Variants in PTPRD observed in about 807,000 individuals in gnomAD.
PTPRD encodes protein tyrosine phosphatase receptor type D, also known as receptor-type tyrosine-protein phosphatase delta.
A neutral mutation model predicts 214.5 loss-of-function variants in PTPRD; 34 were observed. That is an observed-to-expected ratio of 0.16 (90% confidence interval 0.12 to 0.21). PTPRD has a LOEUF of 0.21. Among genes scored for constraint, PTPRD ranks in the 10% least tolerant of loss-of-function variants. The pLI, the probability that PTPRD is intolerant of heterozygous loss-of-function variation, is 1.00. For synonymous variants in PTPRD, 1,128 were observed against 845.7 expected (o/e 1.33, Z -5.79); for missense variants, 2,545 against 2,398.7 (o/e 1.06, Z -1.27).
In PTPRD at chr9:9,773,331, G is replaced by C. The variant is rs944608139; in HGVS notation, c.-367-6480C>G. Among the ~76,000 whole-genome samples, 6 of 152,142 alleles carry C rather than the reference G, an allele frequency of 3.9e-5. No individual in the cohort carries two copies. The South Asian group carries it at 1.0e-3, about 26-fold the overall frequency. ...TTCTCCATCCTCTTAGGAAGCCCAG[G>C]GAGAAGAATGTTTCTTCCCACAGTT... On this transcript the variant is annotated intron_variant, in intron 5 of 45. Transcript: ENST00000381196.
intron 9 of PTPRD, among the ~76,000 whole-genome samples, chr9:9,295,664 T>C (rs1488577489): frequency 6.6e-6 from 1 of 151,836 alleles, no homozygotes; most frequent in Non-Finnish European, 1.5e-5. Context: ...TATTTTATTG[T>C]ATAACCAGAT....
chr9:9,658,560 T>A (rs2096564748), intron 7 of PTPRD, among the ~76,000 whole-genome samples: 1 of 152,158 alleles, frequency 6.6e-6, no homozygotes, highest in African/African-American at 2.4e-5. Context: ...CCTCGATCTC[T>A]CCAAGAAGAT....
intron 11 of PTPRD, among the ~76,000 whole-genome samples, chr9:9,010,322 C>G (rs2099504485): frequency 6.6e-6 from 1 of 152,132 alleles, no homozygotes; most frequent in Non-Finnish European, 1.5e-5. Flanking sequence ...ACAACATTAT[C>G]CATAAGACTT....
At chr9:9,725,109 C>G (rs1345642540) in intron 7 of PTPRD, among the ~76,000 whole-genome samples, 1 of 152,120 alleles carries the variant, frequency 6.6e-6, no homozygotes, top group East Asian at 1.9e-4. Flanking sequence ...AACACATCCT[C>G]TTTTGCTTCA....
At chr9:9,888,561 G>T (rs1022120183) in intron 5 of PTPRD, among the ~76,000 whole-genome samples, 1 of 152,062 alleles carries the variant, frequency 6.6e-6, no homozygotes, top group African/African-American at 2.4e-5. Context: ...GCTCCTGGGA[G>T]AGCCAATTGT....
In PTPRD at chr9:10,099,491, A is replaced by G. The variant is rs148930331; in HGVS notation, c.-544-65701T>C. ...AAATTCCCAGCATATAGTAAATACA[A>G]TTTAAGTGGTTGATATTATTATTTT... On this transcript the variant is annotated intron_variant, in intron 3 of 45. Coordinates refer to ENST00000381196, the MANE Select transcript of PTPRD (RefSeq NM_002839.4). Among the ~76,000 whole-genome samples the G allele has an allele frequency of 2.6e-4, 39 of 151,934 alleles. No individual in the cohort carries two copies. The East Asian group carries it at 5.4e-3, about 21-fold the overall frequency.
At chr9:9,735,522 C>T (rs1251549803) in intron 6 of PTPRD, among the ~76,000 whole-genome samples, 1 of 152,074 alleles carries the variant, frequency 6.6e-6, no homozygotes, top group East Asian at 1.9e-4. Flanking sequence ...CTGCATCTTA[C>T]TGTCAGAAAA....
intron 3 of PTPRD, among the ~76,000 whole-genome samples, chr9:10,153,583 T>A (rs1267789820): frequency 6.6e-6 from 1 of 151,958 alleles, no homozygotes; most frequent in Non-Finnish European, 1.5e-5. Context: ...TGTGCAGGTT[T>A]GTTATATAGG....
chr9:10,079,902 C>T (rs543866409), intron 3 of PTPRD, among the ~76,000 whole-genome samples: 64 of 150,942 alleles, frequency 4.2e-4, no homozygotes, highest in Middle Eastern at 3.5e-3. Flanking sequence ...ATGAATAAAA[C>T]TTCAGAGTAT....
At chr9:8,320,644 T>C (rs145862675) in intron 44 of PTPRD, among the ~76,000 whole-genome samples, 126 of 132,700 alleles carry the variant, frequency 9.5e-4, no homozygotes, top group African/African-American at 3.5e-3. Context: ...CTCACAGGGG[T>C]CTCTAATCTT....
intron 3 of PTPRD, among the ~76,000 whole-genome samples, chr9:10,340,090 A>G (rs1249539567): frequency 6.6e-6 from 1 of 151,786 alleles, no homozygotes; most frequent in East Asian, 1.9e-4. Flanking sequence ...AAAAAATGCT[A>G]ATTACTTGTT....
intron 34 of PTPRD, 51 bp from the exon 35 acceptor site, chr9:8,436,740 G>T: frequency 7.1e-7 from 1 of 1,401,092 alleles, no homozygotes; most frequent in Non-Finnish European, 1.0e-6. Flanking sequence ...TGAAAATGAT[G>T]CTAACTATTC....
chr9:10,070,323 G>A (rs1344897825), intron 3 of PTPRD, among the ~76,000 whole-genome samples: 1 of 151,972 alleles, frequency 6.6e-6, no homozygotes, highest in East Asian at 1.9e-4. Context: ...AAATGACAAA[G>A]TCAAAGATAG....
rs138852727 is a variant in PTPRD, at chr9:9,378,254, G to A, written c.-203+19195C>T. On this transcript the variant is annotated intron_variant, in intron 9 of 45. Transcript: ENST00000381196. Reference sequence around the variant, plus strand: ...TATCTCCATAATTTTGGCTTTTCCAGAAAATCATATAGTTGATAATACAGT... The same window carrying A: ...TATCTCCATAATTTTGGCTTTTCCAAAAAATCATATAGTTGATAATACAGT... Among the ~76,000 whole-genome samples the A allele has an allele frequency of 2.4e-4, 37 of 152,154 alleles. No homozygotes were observed. The East Asian group carries it at 7.0e-3, about 29-fold the overall frequency.
At chr9:9,356,289 G>A (rs1311652216) in intron 9 of PTPRD, among the ~76,000 whole-genome samples, 1 of 151,300 alleles carries the variant, frequency 6.6e-6, no homozygotes, top group South Asian at 2.1e-4. Context: ...TAGTAGAAAG[G>A]AAAAATTGAT....
At chr9:9,347,109 G>A (rs527466564) in intron 9 of PTPRD, among the ~76,000 whole-genome samples, 2 of 152,202 alleles carry the variant, frequency 1.3e-5, no homozygotes, top group East Asian at 1.9e-4. Context: ...TGAGGCTGCC[G>A]TAAGCTGTGG....
At chr9:8,350,088 TA>T in intron 39 of PTPRD, among the ~76,000 whole-genome samples, 1 of 152,284 alleles carries the variant, frequency 6.6e-6, no homozygotes, top group East Asian at 1.9e-4. Context: ...TTTCAATTTC[TA>T]AAAACATGAT....
chr9:9,464,355 T>C (rs2093946689), intron 8 of PTPRD, among the ~76,000 whole-genome samples: 1 of 152,180 alleles, frequency 6.6e-6, no homozygotes, highest in Admixed American at 6.5e-5. Flanking sequence ...GTATAAATAG[T>C]GAGTTTGATT....
chr9:9,072,174 T>A (rs1329174986), intron 10 of PTPRD, among the ~76,000 whole-genome samples: 2 of 152,132 alleles, frequency 1.3e-5, no homozygotes, highest in East Asian at 1.9e-4. Context: ...CCAGCTACTA[T>A]ATAATTATTT....
Sources: gnomAD v4.1 joint callset for allele counts (sites outside exome capture counted in the v4.1 genomes callset) on GRCh38, gnomAD v4.1.1 for gene constraint, MANE v1.5 for transcripts, NCBI Gene and HGNC (gene_info 2026-07-23, HGNC 2026-07-21) for gene names.